The following SEM1 variants were observed in gnomAD, a reference collection of about 807,000 sequenced individuals.
The protein encoded by SEM1 is 26S proteasome complex subunit SEM1.
In SEM1, 3 loss-of-function variants were observed where a neutral mutation model predicts 12.7. The observed-to-expected ratio is 0.24, with a 90% CI of 0.11 to 0.61. The LOEUF (loss-of-function observed/expected upper bound fraction) is 0.61. Ranked by LOEUF, SEM1 falls within the 20% of genes least tolerant of loss-of-function variation. The pLI, the probability that SEM1 is intolerant of heterozygous loss-of-function variation, is 0.88. For synonymous variants in SEM1, 30 were observed against 27.8 expected (o/e 1.08, Z -0.25); for missense variants, 59 against 81.3 (o/e 0.73, Z 1.06).
chr7:96,612,657 T>G (rs1428549299), intron 2 of SEM1, among the ~76,000 whole-genome samples: 1 of 152,188 alleles, frequency 6.6e-6, no homozygotes, highest in Non-Finnish European at 1.5e-5. Flanking sequence ...ATACAGAGTC[T>G]CGCTCTGTTG....
intron 2 of SEM1, among the ~76,000 whole-genome samples, chr7:96,691,796 C>T (rs10252396): frequency 0.16 from 23,993 of 152,202 alleles, 3,515 homozygotes; most frequent in African/African-American, 0.39. Flanking sequence ...GTGCTAGCCA[C>T]ATTTCATGTG....
intron 2 of SEM1, among the ~76,000 whole-genome samples, chr7:96,613,560 C>T (rs756163463): frequency 6.6e-6 from 1 of 152,026 alleles, no homozygotes; most frequent in Non-Finnish European, 1.5e-5. Flanking sequence ...ATTTACAATC[C>T]TTGCTTTTAG....
intron 2 of SEM1, among the ~76,000 whole-genome samples, chr7:96,564,636 G>C (rs367548818): frequency 1.5e-4 from 23 of 152,090 alleles, no homozygotes; most frequent in African/African-American, 5.3e-4. Context: ...ATCATGCATA[G>C]AGGAACCAAA....
chr7:96,622,832 C>T (rs981009577), intron 2 of SEM1: 29 of 548,408 alleles, frequency 5.3e-5, no homozygotes, highest in Non-Finnish European at 8.1e-5. Flanking sequence ...GGAAAACTTA[C>T]ATAAATACAG....
In SEM1 at chr7:96,553,802, C is replaced by T. The variant is rs951554242; in HGVS notation, c.171-47104G>A. 1.1e-3 allele frequency among the ~76,000 whole-genome samples: 167 copies of T among 152,208 alleles called. 1 individual carries two copies. The highest frequency in any genetic ancestry group is 6.7e-4 in the African/African-American group (28 of 41,524). On this transcript the variant is annotated intron_variant and NMD_transcript_variant, in intron 2 of 3. Coordinates refer to the SEM1 transcript ENST00000466986. Reference sequence around the variant, plus strand: ...ACCTTGGGCAGTATGGCCATTTTCACGATATTGATTCTTCCTACCCATGAG... The same window carrying T: ...ACCTTGGGCAGTATGGCCATTTTCATGATATTGATTCTTCCTACCCATGAG...
At chr7:96,494,414 CT>C (rs1455031997) in intron 1 of SEM1, among the ~76,000 whole-genome samples, 1 of 151,658 alleles carries the variant, frequency 6.6e-6, no homozygotes, top group Non-Finnish European at 1.5e-5. Context: ...CTCAAAGTAG[CT>C]TTTTGGTCCA....
intron 2 of SEM1, among the ~76,000 whole-genome samples, chr7:96,648,894 C>G (rs1194735472): frequency 6.6e-6 from 1 of 152,204 alleles, no homozygotes; most frequent in Non-Finnish European, 1.5e-5. Flanking sequence ...GCTGTCTGAG[C>G]TTTCTCACAT....
chr7:96,659,924 A>AAAC (rs1554430855), intron 2 of SEM1, among the ~76,000 whole-genome samples: 4 of 148,490 alleles, frequency 2.7e-5, no homozygotes, highest in African/African-American at 1.0e-4. Flanking sequence ...AAAAAAAAAA[A>AAAC]AAAAAACAAA....
At chr7:96,705,421 G>A (rs1277897863) in intron 1 of SEM1, among the ~76,000 whole-genome samples, 1 of 150,654 alleles carries the variant, frequency 6.6e-6, no homozygotes. Flanking sequence ...ATCTAAAGGA[G>A]CACTTGTTCT....
chr7:96,490,892 CTG>C (rs1716438060), intron 1 of SEM1, among the ~76,000 whole-genome samples: 1 of 152,164 alleles, frequency 6.6e-6, no homozygotes, highest in Non-Finnish European at 1.5e-5. Flanking sequence ...GAAGACCACT[CTG>C]TGACCCCCTG....
At chr7:96,543,229 A>G (rs1328704533) in intron 2 of SEM1, among the ~76,000 whole-genome samples, 1 of 152,040 alleles carries the variant, frequency 6.6e-6, no homozygotes, top group Non-Finnish European at 1.5e-5. Context: ...ACAATAAAGT[A>G]TAACAACTAT....
intron 1 of SEM1, among the ~76,000 whole-genome samples, chr7:96,707,286 A>T (rs914816744): frequency 2.6e-5 from 4 of 152,226 alleles, no homozygotes; most frequent in Admixed American, 6.5e-5. Context: ...AAAAGAAATA[A>T]TTCTTTGGTG....
intron 2 of SEM1, among the ~76,000 whole-genome samples, chr7:96,526,669 T>C: frequency 7.2e-6 from 1 of 138,886 alleles, no homozygotes; most frequent in African/African-American, 2.6e-5. Flanking sequence ...ATAAAATGGT[T>C]TGTGGGCTCT....
At chr7:96,614,696 T>C (rs1321082387) in intron 2 of SEM1, among the ~76,000 whole-genome samples, 2 of 152,258 alleles carry the variant, frequency 1.3e-5, no homozygotes, top group Non-Finnish European at 2.9e-5. Flanking sequence ...TTGGGTTCTC[T>C]ATTGTCTGTC....
At chr7:96,644,936 T>G (rs1808735660) in intron 2 of SEM1, among the ~76,000 whole-genome samples, 1 of 152,188 alleles carries the variant, frequency 6.6e-6, no homozygotes, top group African/African-American at 2.4e-5. Context: ...TTAAATCAGA[T>G]TCCAAGAGTT....
chr7:96,609,970 A>T (rs1175817470), intron 2 of SEM1, among the ~76,000 whole-genome samples: 1 of 152,222 alleles, frequency 6.6e-6, no homozygotes, highest in African/African-American at 2.4e-5. Context: ...ACTAAAGATG[A>T]TTGGTCCAGA....
chr7:96,517,359 A>G (rs1278597548), intron 2 of SEM1, among the ~76,000 whole-genome samples: 1 of 152,086 alleles, frequency 6.6e-6, no homozygotes, highest in Non-Finnish European at 1.5e-5. Flanking sequence ...CTTCCTCTCA[A>G]TTTTGATGCA....
chr7:96,489,862 G>A lies in SEM1; in HGVS notation c.13-3445C>T, dbSNP rs57316509. 2.4e-3 allele frequency among the ~76,000 whole-genome samples: 364 copies of A among 152,216 alleles called. 4 individuals carry two copies. The highest frequency in any genetic ancestry group is 8.1e-3 in the African/African-American group (338 of 41,530). On this transcript the variant is annotated intron_variant, in intron 1 of 3. Coordinates refer to the SEM1 transcript ENST00000356686. ...CGCCCTCTCCTCTTTTCATATGGAT[G>A]ACAATGACTAGATTTAAGTCTTACC...
intron 1 of SEM1, among the ~76,000 whole-genome samples, chr7:96,490,744 C>T (rs1802974504): frequency 6.6e-6 from 1 of 152,038 alleles, no homozygotes; most frequent in Admixed American, 6.6e-5. Context: ...GATTGTCAGT[C>T]AGTTGGAAAT....
Sources: allele counts gnomAD v4.1 joint callset (sites outside exome capture counted in the v4.1 genomes callset), GRCh38; gene constraint gnomAD v4.1.1; transcripts MANE v1.5; gene names NCBI Gene and HGNC (gene_info 2026-07-23, HGNC 2026-07-21).